Variants in GCN1 observed in about 807,000 individuals in gnomAD.
GCN1 encodes GCN1 activator of EIF2AK4.
GCN1 carries 90 observed loss-of-function variants against 288.4 expected under a neutral mutation model. The observed-to-expected ratio is 0.31, with a 90% confidence interval of 0.26 to 0.37. The LOEUF is 0.37. Among genes scored for constraint, GCN1 ranks in the 10% least tolerant of loss-of-function variants. The pLI is 1.00. For missense variants in GCN1, 2,586 were observed against 3,419.9 expected (o/e 0.76, Z 6.08); for synonymous variants, 1,386 against 1,420.2 (o/e 0.98, Z 0.54).
chr12:120,147,069 A>T lies in GCN1; in HGVS notation c.4930T>A (p.Ser1644Thr), dbSNP rs748941770. 4 of 1,578,758 alleles carry T rather than the reference A, an allele frequency of 2.5e-6. No homozygotes were observed. The highest frequency in any genetic ancestry group is 3.5e-6 in the Non-Finnish European group (4 of 1,156,524). Residue 1644 changes from serine to threonine, a missense_variant, in exon 38 of 58, where the codon TCC becomes ACC. This residue lies in a region of GCN1 where 371 missense variants were observed against 572.6 expected (regional missense o/e 0.65). Coordinates refer to ENST00000300648, the MANE Select transcript of GCN1 (RefSeq NM_006836.2). ...GCCGCTACCTTCTGGTCTGTCAGGG[A>T]GTACATGTTGCCAATAATCTGGGCT... ...MAAQIIGNMYSLTDQKDLAPY... is the reference protein window; with the variant it reads ...MAAQIIGNMYTLTDQKDLAPY...
In GCN1 at chr12:120,132,022, C is replaced by A. The variant is rs751391027; in HGVS notation, c.7318G>T (p.Asp2440Tyr). ...CCGGCTGAGGAGATGCGAGTGTTGTCCTGACAGGGAAGAGAAGGGAGTGAG... is the reference window on the plus strand; with the variant it reads ...CCGGCTGAGGAGATGCGAGTGTTGTACTGACAGGGAAGAGAAGGGAGTGAG... ...LLLSMLGHDE[D>Y]NTRISSAGCL... is the part of the protein sequence containing the mutation. The change falls in exon 54 of 58, where the codon GAC (aspartate) becomes TAC (tyrosine). Residue 2440 changes from aspartate (D) to tyrosine (Y), a missense_variant and splice_region_variant. Coordinates refer to ENST00000300648, the MANE Select transcript of GCN1 (RefSeq NM_006836.2). 6.3e-7 allele frequency: 1 copy of A among 1,581,958 alleles called. No individual in the cohort carries two copies.
chr12:120,151,037 A>G (rs1326753852), intron 34 of GCN1, 108 bp downstream of exon 34: 1 of 1,230,346 alleles, frequency 8.1e-7, no homozygotes, highest in Non-Finnish European at 1.2e-6. Context: ...TCTGTAGTAC[A>G]CGCACAAGCA....
Position 120,158,303 on chromosome 12 carries a change from T to G in GCN1, c.2905+157A>C, listed in dbSNP as rs1877817112. 6.6e-6 allele frequency among the ~76,000 whole-genome samples: 1 copy of G among 152,194 alleles called. No homozygotes were observed. The highest frequency in any genetic ancestry group is 2.4e-5 in the African/African-American group (1 of 41,452). On this transcript the variant is annotated intron_variant, in intron 25 of 57. Transcript: ENST00000300648. This position sits in a 1 kb window ranked among gnomAD's most constrained non-coding sequence, Gnocchi z 4.3. ...ACAAAAAGTAAACCCTCAACTGGGCTCACTGCAATTCACAGACTACGAAGG... is the reference window on the plus strand; with the variant it reads ...ACAAAAAGTAAACCCTCAACTGGGCGCACTGCAATTCACAGACTACGAAGG...
At chr12:120,139,715 GA>G (rs1317738739) in intron 45 of GCN1, among the ~76,000 whole-genome samples, 1 of 152,122 alleles carries the variant, frequency 6.6e-6, no homozygotes, top group South Asian at 2.1e-4. Flanking sequence ...TCTTTTAGGT[GA>G]ATTCTCAATA....
At chr12:120,129,001 C>T (rs1876717919) in intron 57 of GCN1, among the ~76,000 whole-genome samples, 1 of 152,004 alleles carries the variant, frequency 6.6e-6, no homozygotes, top group South Asian at 2.1e-4. Context: ...CCACGCCTGG[C>T]TAATTTTTTT....
At chr12:120,175,344 G>A in intron 11 of GCN1, 132 bp from the exon 12 acceptor site, 1 of 836,852 alleles carries the variant, frequency 1.2e-6, no homozygotes, top group Non-Finnish European at 2.0e-6. Context: ...TGTGAAGCTG[G>A]GTTTAAAGCA....
intron 2 of GCN1, among the ~76,000 whole-genome samples, chr12:120,186,069 C>G (rs920730566): frequency 6.6e-6 from 1 of 152,022 alleles, no homozygotes; most frequent in Non-Finnish European, 1.5e-5. Flanking sequence ...GGCAGTGGCT[C>G]ACGCCTGTAA....
chr12:120,179,389 C>T (rs1566318221), intron 5 of GCN1, among the ~76,000 whole-genome samples: 1 of 151,012 alleles, frequency 6.6e-6, no homozygotes, highest in African/African-American at 2.4e-5. Flanking sequence ...TGCCACCATG[C>T]CCAGCTAATT....
intron 54 of GCN1, 70 bp from the exon 55 acceptor site, chr12:120,131,403 G>A (rs960447384): frequency 1.3e-6 from 2 of 1,498,580 alleles, no homozygotes; most frequent in Non-Finnish European, 1.8e-6. Flanking sequence ...TGAGGCCCAT[G>A]GGCCCACCCC....
Position 120,156,330 on chromosome 12 carries a change from A to G in GCN1, c.3312+131T>C, listed in dbSNP as rs2240318. On this transcript the variant is annotated intron_variant, in intron 28 of 57. Transcript: ENST00000300648. This position sits in a 1 kb window ranked among gnomAD's most constrained non-coding sequence, Gnocchi z 5.8. ...TCTGATTCTCAGAGAGACCCCAACC[A>G]TGTGACTTCTTCTCTTTGCCTCTAG... 164,967 of 816,648 alleles carry G rather than the reference A, an allele frequency of 0.2. 22,034 individuals carry two copies. Among genetic ancestry groups the G allele is most frequent in the East Asian group, 0.54 (20,632 of 38,478 alleles). The allele number at this position is 816,648 out of a possible 1,614,324, so 50.6% of individuals were successfully genotyped here. A position where few individuals can be genotyped will look rare whatever the true frequency, so the allele number is the denominator to read the frequency against.
chr12:120,181,426 C>T (rs2139137750), intron 5 of GCN1, among the ~76,000 whole-genome samples: 1 of 141,164 alleles, frequency 7.1e-6, no homozygotes, highest in South Asian at 2.2e-4. Flanking sequence ...GATCATGCCA[C>T]TGTGCTCCAG....
chr12:120,187,210 T>C (rs968978027), intron 2 of GCN1, among the ~76,000 whole-genome samples: 2 of 151,712 alleles, frequency 1.3e-5, no homozygotes, highest in Non-Finnish European at 2.9e-5. Context: ...TGGCCATGAT[T>C]TTCTTTTTTT....
intron 16 of GCN1, among the ~76,000 whole-genome samples, chr12:120,165,362 G>T (rs575119503): frequency 8.3e-4 from 127 of 152,216 alleles, no homozygotes; most frequent in African/African-American, 2.9e-3. Flanking sequence ...TAGAGACGGG[G>T]TTTCACCAGG....
chr12:120,139,122 C>T (rs1412598607), intron 45 of GCN1, among the ~76,000 whole-genome samples: 2 of 151,880 alleles, frequency 1.3e-5, no homozygotes, highest in Non-Finnish European at 2.9e-5. Context: ...CCAGCCTGGT[C>T]AACATGGCAA....
intron 5 of GCN1, among the ~76,000 whole-genome samples, chr12:120,180,098 G>A (rs886508445): frequency 1.3e-5 from 2 of 151,014 alleles, no homozygotes; most frequent in African/African-American, 4.9e-5. Flanking sequence ...CCTGAGGTCG[G>A]GAGTTCAAGA....
At chr12:120,135,371 GT>G (rs376054982) in intron 51 of GCN1, among the ~76,000 whole-genome samples, 9 of 148,082 alleles carry the variant, frequency 6.1e-5, no homozygotes, top group South Asian at 2.1e-4. Flanking sequence ...TTTTTGTTTT[GT>G]TTTTTTTTTG....
At chr12:120,135,449 C>T (rs1223590016) in intron 51 of GCN1, among the ~76,000 whole-genome samples, 10 of 151,988 alleles carry the variant, frequency 6.6e-5, no homozygotes, top group Admixed American at 3.3e-4. Flanking sequence ...CTGCAACCTC[C>T]GCCTCCCGGG....
chr12:120,138,113 C>A, intron 47 of GCN1, 69 bp from the exon 48 acceptor site: 3 of 1,457,852 alleles, frequency 2.1e-6, no homozygotes, highest in Non-Finnish European at 2.8e-6. Context: ...TGGGAACAGA[C>A]GGGTGGGCAA....
intron 36 of GCN1, among the ~76,000 whole-genome samples, chr12:120,148,837 TGA>T (rs766907305): frequency 1.3e-5 from 2 of 152,194 alleles, no homozygotes; most frequent in Non-Finnish European, 2.9e-5. Context: ...TATTTATTTT[TGA>T]GACAGGGTCT....
Sources: gnomAD v4.1 joint callset for allele counts (sites outside exome capture counted in the v4.1 genomes callset) on GRCh38, gnomAD v4.1.1 for gene constraint, gnomAD v4.1.1 regional missense constraint, Gnocchi (gnomAD v3.1) non-coding constraint, MANE v1.5 for transcripts, NCBI Gene and HGNC (gene_info 2026-07-23, HGNC 2026-07-21) for gene names.